The following TMEM231 variants were observed in gnomAD, a reference collection of about 807,000 sequenced individuals.
The protein encoded by TMEM231 is transmembrane protein 231.
In TMEM231, 40 loss-of-function variants were observed where a neutral mutation model predicts 38.5. That is an observed-to-expected ratio of 1.04 (90% CI 0.81 to 1.35). TMEM231 has a LOEUF of 1.35. Among genes scored for constraint, TMEM231 ranks in the 40% most tolerant of loss-of-function variants. TMEM231 has a pLI of 0.00. For missense variants in TMEM231, 420 were observed against 416.9 expected (o/e 1.01, Z -0.07); for synonymous variants, 199 against 181.7 (o/e 1.10, Z -0.77).
In TMEM231 at chr16:75,555,793, G is replaced by A; in HGVS notation, c.309+11C>T. 1 of 1,522,502 alleles carries A rather than the reference G, an allele frequency of 6.6e-7. No individual in the cohort carries two copies. The highest frequency in any genetic ancestry group is 8.8e-7 in the Non-Finnish European group (1 of 1,132,392). 94.3% of individuals were successfully genotyped at this position (1,522,502 alleles called of 1,614,324 possible). ...CCGACTCTGCCCCAGGCCCAGGCGGGAACCACGCACCGAAACGAGCGGGAC... is the reference window on the plus strand; with the variant it reads ...CCGACTCTGCCCCAGGCCCAGGCGGAAACCACGCACCGAAACGAGCGGGAC... On this transcript the variant is annotated intron_variant, in intron 2 of 6. Transcript: ENST00000258173.
chr16:75,542,695 G>A lies in TMEM231; in HGVS notation c.583-12C>T, dbSNP rs761657158. 1 of 1,613,516 alleles carries A rather than the reference G, an allele frequency of 6.2e-7. No individual in the cohort carries two copies. The highest frequency in any genetic ancestry group is 8.5e-7 in the Non-Finnish European group (1 of 1,179,576). ...TTGATCACGGATATCTGGGACACGG[G>A]AGGAGGATGTGGTGTGAGCACCTGG... On this transcript the variant is annotated splice_polypyrimidine_tract_variant and intron_variant, in intron 4 of 6. Coordinates refer to ENST00000258173, the MANE Select transcript of TMEM231 (RefSeq NM_001077418.3).
rs35767878 is a variant in TMEM231, at chr16:75,537,121, C to CAAAAAAAAAAAAAA, written c.*2859_*2872dup. On this transcript the variant is annotated 3_prime_UTR_variant, in exon 7 of 7. Coordinates refer to ENST00000258173, the MANE Select transcript of TMEM231 (RefSeq NM_001077418.3). ...TGGGTAACAGAGTGAGACTCTGTCT[C>CAAAAAAAAAAAAAA]AAAAAAAAAAAAAAAAAAGAAAAAG... 9.3e-6 allele frequency: 1 copy of CAAAAAAAAAAAAAA among 107,188 alleles called. No homozygotes were observed. Among genetic ancestry groups the CAAAAAAAAAAAAAA allele is most frequent in the African/African-American group, 3.4e-5 (1 of 29,332 alleles). The allele number at this position is 107,188 out of a possible 1,614,324, so 6.6% of individuals were successfully genotyped here.
Position 75,542,342 on chromosome 16 carries a change from T to C in TMEM231, c.664+260A>G, listed in dbSNP as rs561537816. ...TATATTTTTTAAAAGAGAAACCCAC[T>C]AAGCCAGTGGTGGGATAATGATGGC... is the stretch of plus-strand genomic sequence containing the variant. On this transcript the variant is annotated intron_variant, in intron 5 of 6. Transcript: ENST00000258173. Among the ~76,000 whole-genome samples, 52 of 151,512 alleles carry C rather than the reference T, an allele frequency of 3.4e-4. 1 individual carries two copies. The highest frequency in any genetic ancestry group is 9.5e-4 in the African/African-American group (39 of 41,222).
At chr16:75,555,710 C>T (rs2151710329) in intron 2 of TMEM231, 94 bp downstream of exon 2, 2 of 1,336,944 alleles carry the variant, frequency 1.5e-6, no homozygotes, top group East Asian at 2.8e-5. Flanking sequence ...GCTGGGCTCC[C>T]CAGGGCCGGG....
chr16:75,544,949 CTTTTTTTTTTTTTTTT>C (rs71134720), intron 4 of TMEM231, among the ~76,000 whole-genome samples: 1 of 89,622 alleles, frequency 1.1e-5, no homozygotes, highest in Non-Finnish European at 2.4e-5. Context: ...TTTTCTTTTT[CTTTTTTTTTTTTTTTT>C]TTTTTTTTGA....
chr16:75,544,150 T>C (rs539739741), intron 4 of TMEM231, among the ~76,000 whole-genome samples: 1 of 152,370 alleles, frequency 6.6e-6, no homozygotes, highest in South Asian at 2.1e-4. Flanking sequence ...GCTTACCATC[T>C]GCCAGGCAGT....
chr16:75,542,467 T>C (rs1690506), intron 5 of TMEM231, 135 bp downstream of exon 5: 49 of 830,404 alleles, frequency 5.9e-5, no homozygotes, highest in Admixed American at 3.6e-4. Flanking sequence ...CTGGACAGCA[T>C]ATTTGCTCCC....
rs745498623 is a variant in TMEM231, at chr16:75,556,221, G to C, written c.-12C>G. 1.6e-5 allele frequency: 22 copies of C among 1,399,102 alleles called. No individual in the cohort carries two copies. Among genetic ancestry groups the C allele is most frequent in the Admixed American group, 6.6e-5 (2 of 30,288 alleles). The allele number at this position is 1,399,102 out of a possible 1,614,324, so 86.7% of individuals were successfully genotyped here. A position where few individuals can be genotyped will look rare whatever the true frequency, so the allele number is the denominator to read the frequency against. On this transcript the variant is annotated 5_prime_UTR_variant, in exon 1 of 7. Transcript: ENST00000258173. ...TCATAGAGCGCCATGAGCACCGCTCGCAGGCACTCCGCGAGCCGGGGGACC... is the reference window on the plus strand; with the variant it reads ...TCATAGAGCGCCATGAGCACCGCTCCCAGGCACTCCGCGAGCCGGGGGACC...
Position 75,537,260 on chromosome 16 carries a change from T to TA in TMEM231, c.*2733dup, listed in dbSNP as rs1481510788. 2.5e-5 allele frequency: 3 copies of TA among 122,228 alleles called. No individual in the cohort carries two copies. The highest frequency in any genetic ancestry group is 3.1e-5 in the Non-Finnish European group (2 of 63,604). The allele number at this position is 122,228 out of a possible 1,614,324, so 7.6% of individuals were successfully genotyped here. A position where few individuals can be genotyped will look rare whatever the true frequency, so the allele number is the denominator to read the frequency against. On this transcript the variant is annotated 3_prime_UTR_variant, in exon 7 of 7. Transcript: ENST00000258173. ...TTTAGCTATATACGAAACCCATACA[T>TA]ATACCCCATGAGTCTACAATAAAAG...
rs144252983 is a variant in TMEM231 at position 75,545,344 on chromosome 16, G to A, written c.582+8C>T. The A allele has an allele frequency of 4.6e-5, 74 of 1,608,762 alleles. No homozygotes were observed. Among genetic ancestry groups the A allele is most frequent in the South Asian group, 6.6e-5 (6 of 90,820 alleles). On this transcript the variant is annotated splice_region_variant and intron_variant, in intron 4 of 6. Transcript: ENST00000258173. ...ACAAAGGAGCTGGACAATGAGAAGC[G>A]CTCTTACGTTGTATCGGGCATCTAG...
At chr16:75,540,666 A>C (rs1476488749) in intron 6 of TMEM231, among the ~76,000 whole-genome samples, 4 of 152,230 alleles carry the variant, frequency 2.6e-5, no homozygotes, top group African/African-American at 9.6e-5. Context: ...CCTAAGTCAA[A>C]ATTAAACCAA....
chr16:75,542,878 C>G (rs543286616), intron 4 of TMEM231, among the ~76,000 whole-genome samples, 195 bp from the exon 5 acceptor site: 271 of 152,010 alleles, frequency 1.8e-3, no homozygotes, highest in Non-Finnish European at 3.0e-3. Flanking sequence ...ACAGAGCACC[C>G]TCTTGTTCTT....
At chr16:75,541,167 C>T (rs2080622424) in intron 6 of TMEM231, among the ~76,000 whole-genome samples, 183 bp downstream of exon 6, 1 of 147,156 alleles carries the variant, frequency 6.8e-6, no homozygotes, top group Admixed American at 7.1e-5. Context: ...ATGTACGCCA[C>T]TATGCCTGGC....
rs1488057685 is a variant in TMEM231 at position 75,556,212 on chromosome 16, G to A, written c.-3C>T. On this transcript the variant is annotated 5_prime_UTR_variant, in exon 1 of 7. Coordinates refer to ENST00000258173, the MANE Select transcript of TMEM231 (RefSeq NM_001077418.3). ...GAGAAGAGCTCATAGAGCGCCATGA[G>A]CACCGCTCGCAGGCACTCCGCGAGC... is the stretch of plus-strand genomic sequence containing the variant. 2.8e-6 allele frequency: 4 copies of A among 1,427,890 alleles called. No homozygotes were observed. The highest frequency in any genetic ancestry group is 1.5e-5 in the African/African-American group (1 of 67,128). The allele number at this position is 1,427,890 out of a possible 1,614,324, so 88.5% of individuals were successfully genotyped here.
chr16:75,542,560 A>G (rs2080639033), intron 5 of TMEM231, 42 bp downstream of exon 5: 2 of 1,566,108 alleles, frequency 1.3e-6, no homozygotes, highest in Admixed American at 1.7e-5. Context: ...CTAACCTTGA[A>G]AGTCCTGAGC....
intron 4 of TMEM231, among the ~76,000 whole-genome samples, 200 bp from the exon 5 acceptor site, chr16:75,542,883 G>T (rs1311649960): frequency 6.6e-6 from 1 of 151,906 alleles, no homozygotes; most frequent in African/African-American, 2.4e-5. Context: ...GCACCCTCTT[G>T]TTCTTGGTGG....
chr16:75,541,772 T>C, intron 5 of TMEM231: 1 of 178,696 alleles, frequency 5.6e-6, no homozygotes, highest in East Asian at 1.4e-4. Context: ...AGTATTTATA[T>C]TCCAAGTTTA....
At chr16:75,546,603 C>A (rs887893628) in intron 2 of TMEM231, among the ~76,000 whole-genome samples, 11 of 152,242 alleles carry the variant, frequency 7.2e-5, no homozygotes, top group African/African-American at 2.4e-4. Context: ...CCACCATGCC[C>A]AGCTAATTTT....
intron 6 of TMEM231, among the ~76,000 whole-genome samples, chr16:75,541,026 C>G (rs2080620501): frequency 6.6e-6 from 1 of 151,952 alleles, no homozygotes; most frequent in African/African-American, 2.4e-5. Flanking sequence ...TTGTTGTTTG[C>G]TTTAAGAGGC....
Sources: gnomAD v4.1 joint callset for allele counts (sites outside exome capture counted in the v4.1 genomes callset) on GRCh38, gnomAD v4.1.1 for gene constraint, MANE v1.5 for transcripts, NCBI Gene and HGNC (gene_info 2026-07-23, HGNC 2026-07-21) for gene names.